The following SRFBP1 variants were observed in gnomAD, a reference collection of about 807,000 sequenced individuals.
SRFBP1 encodes the protein serum response factor-binding protein 1.
SRFBP1 carries 47 observed loss-of-function variants against 45.5 expected under a neutral mutation model. The ratio of observed to expected loss-of-function variants is 1.03; its 90% CI spans 0.82 to 1.32. The LOEUF (loss-of-function observed/expected upper bound fraction) is 1.32, where lower values mean the gene tolerates loss of function less well. Among genes scored for constraint, SRFBP1 ranks in the 40% most tolerant of loss-of-function variants. The probability of loss-of-function intolerance (pLI) is 0.00; values close to 1 mark genes in which losing one functional copy is unlikely to be tolerated. For synonymous variants in SRFBP1, 203 were observed against 166.3 expected (o/e 1.22, Z -1.70); for missense variants, 621 against 484.6 (o/e 1.28, Z -2.64).
chr5:121,985,787 T>C (rs945019478), intron 3 of SRFBP1, among the ~76,000 whole-genome samples: 1 of 151,898 alleles, frequency 6.6e-6, no homozygotes, highest in African/African-American at 2.4e-5. Flanking sequence ...AGGTTCCTGA[T>C]CTTTTGTAAT....
chr5:122,030,433 T>C (rs1300945062), downstream of SRFBP1, among the ~76,000 whole-genome samples: 3 of 152,100 alleles, frequency 2.0e-5, no homozygotes, highest in African/African-American at 4.8e-5. Context: ...CAGAACAGGG[T>C]TGGAGTTTCT....
At position 122,017,861 on chromosome 5, in the gene SRFBP1, A is replaced by T. The variant is rs115949592; in HGVS notation, c.271-1399A>T. Among the ~76,000 whole-genome samples, 640 of 152,332 alleles carry T rather than the reference A, an allele frequency of 4.2e-3. 8 individuals carry two copies. Among genetic ancestry groups the T allele is most frequent in the African/African-American group, 0.015 (618 of 41,574 alleles). On this transcript the variant is annotated intron_variant, in intron 4 of 7. Transcript: ENST00000339397. ...GAAACTGGTTGTTTTACTTTCACAC[A>T]CTAGTGAAATTTATTCACTTGCTTT... is the stretch of plus-strand genomic sequence containing the variant.
chr5:121,999,977 C>A (rs1752822198), intron 4 of SRFBP1, among the ~76,000 whole-genome samples: 1 of 151,996 alleles, frequency 6.6e-6, no homozygotes, highest in Non-Finnish European at 1.5e-5. Context: ...TACCAGTTAG[C>A]AGTTGTTTTC....
rs112587739 is a variant in SRFBP1 at position 122,010,055 on chromosome 5, A to G, written c.271-9205A>G. On this transcript the variant is annotated intron_variant, in intron 4 of 7. Coordinates refer to ENST00000339397, the MANE Select transcript of SRFBP1 (RefSeq NM_152546.3). ...AAAGACCCATAAAATAGTAATAAGT[A>G]TAAGCACTGTTTGATTCAGTTGTGT... is the stretch of plus-strand genomic sequence containing the variant. Among the ~76,000 whole-genome samples, 1,205 of 152,278 alleles carry G rather than the reference A, an allele frequency of 7.9e-3. 18 individuals carry two copies. Among genetic ancestry groups the G allele is most frequent in the African/African-American group, 0.028 (1,151 of 41,554 alleles).
chr5:122,076,272 C>T (rs1754627619), downstream of SRFBP1, among the ~76,000 whole-genome samples: 2 of 152,180 alleles, frequency 1.3e-5, no homozygotes, highest in Non-Finnish European at 2.9e-5. Flanking sequence ...CCTTATTTTA[C>T]ACTTTAAATT....
intron 4 of SRFBP1, among the ~76,000 whole-genome samples, chr5:122,008,565 GT>G (rs1753024449): frequency 6.6e-6 from 1 of 152,116 alleles, no homozygotes; most frequent in Admixed American, 6.5e-5. Flanking sequence ...TCTTCAATGT[GT>G]TTTTGTTGTT....
intron 2 of SRFBP1, among the ~76,000 whole-genome samples, chr5:122,072,744 A>G (rs1174571139): frequency 6.6e-6 from 1 of 152,220 alleles, no homozygotes; most frequent in Admixed American, 6.5e-5. Context: ...ATGGAAGATG[A>G]TTAACAAGAA....
intron 2 of SRFBP1, among the ~76,000 whole-genome samples, chr5:122,047,193 G>A (rs1293099319): frequency 6.6e-6 from 1 of 152,194 alleles, no homozygotes; most frequent in East Asian, 1.9e-4. Flanking sequence ...TAACATTTAA[G>A]TCTTTAATCC....
intron 2 of SRFBP1, among the ~76,000 whole-genome samples, chr5:122,057,642 A>C (rs866097988): frequency 7.8e-4 from 110 of 141,368 alleles, no homozygotes; most frequent in Middle Eastern, 3.7e-3. Flanking sequence ...TCAGTTCTTT[A>C]AAAAAAAAAA....
intron 2 of SRFBP1, among the ~76,000 whole-genome samples, chr5:122,054,552 CTG>C (rs1342641505): frequency 6.6e-6 from 1 of 152,178 alleles, no homozygotes; most frequent in Admixed American, 6.5e-5. Context: ...GACACTGTAA[CTG>C]TGTTTCAATG....
At position 122,020,407 on chromosome 5, in the gene SRFBP1, CCCA is replaced by C. The variant is rs1228282303; in HGVS notation, c.673_675del (p.Pro225del). 1 of 1,613,892 alleles carries C rather than the reference CCCA, an allele frequency of 6.2e-7. No individual in the cohort carries two copies. Among genetic ancestry groups the C allele is most frequent in the Non-Finnish European group, 8.5e-7 (1 of 1,179,988 alleles). The stretch of plus-strand genomic sequence containing the variant: ...TTGAGTCCCAGAAGACACCTGCTGA[CCCA>C]AAACTGAAAACTCTAAGTCAAACCA... On this transcript the variant is annotated inframe_deletion, in exon 6 of 8. Transcript: ENST00000339397.
rs750836975 is a variant in SRFBP1 at position 121,962,082 on chromosome 5, A to C, written c.36+14A>C. On this transcript the variant is annotated intron_variant, in intron 1 of 7. Coordinates refer to ENST00000339397, the MANE Select transcript of SRFBP1 (RefSeq NM_152546.3). ...CTCAATAACGAGGTGAGCGCCGAGG[A>C]ACCTATGGGGCTGACTTTAAGGGTC... 2 of 1,613,952 alleles carry C rather than the reference A, an allele frequency of 1.2e-6. No individual in the cohort carries two copies. The highest frequency in any genetic ancestry group is 2.2e-5 in the South Asian group (2 of 91,076).
chr5:122,069,677 C>T (rs1427605616), intron 2 of SRFBP1, among the ~76,000 whole-genome samples: 1 of 152,044 alleles, frequency 6.6e-6, no homozygotes, highest in African/African-American at 2.4e-5. Context: ...CTTTGAAGAA[C>T]CCTAGCAATT....
intron 2 of SRFBP1, among the ~76,000 whole-genome samples, chr5:122,046,413 A>G (rs1024517171): frequency 2.0e-5 from 3 of 152,184 alleles, no homozygotes; most frequent in East Asian, 1.9e-4. Flanking sequence ...TCCATGGTGT[A>G]TATGTGCCAC....
chr5:121,968,417 G>A (rs1320622244), intron 1 of SRFBP1, among the ~76,000 whole-genome samples: 1 of 151,998 alleles, frequency 6.6e-6, no homozygotes, highest in East Asian at 1.9e-4. Context: ...TGGAATTTTG[G>A]CTAACCGCAG....
chr5:122,019,440 T>C, intron 5 of SRFBP1, 99 bp downstream of exon 5: 2 of 971,766 alleles, frequency 2.1e-6, no homozygotes, highest in Non-Finnish European at 1.5e-6. Flanking sequence ...CTATTATAAA[T>C]ATAAGTTTCT....
At chr5:122,003,758 G>A (rs530402784) in intron 4 of SRFBP1, among the ~76,000 whole-genome samples, 1 of 152,058 alleles carries the variant, frequency 6.6e-6, no homozygotes, top group Non-Finnish European at 1.5e-5. Flanking sequence ...CCATTCTTAT[G>A]GGTTAGAGGT....
intron 3 of SRFBP1, among the ~76,000 whole-genome samples, chr5:121,980,864 C>G (rs1346037133): frequency 6.6e-6 from 1 of 152,102 alleles, no homozygotes; most frequent in Non-Finnish European, 1.5e-5. Context: ...GAGATTTCTT[C>G]TCTCTCCCTT....
In SRFBP1 at chr5:121,975,380, C is replaced by A. The variant is rs777279205; in HGVS notation, c.191C>A (p.Ala64Asp). ...RAQRLLEEIH[A>D]MKELKPDIVT... Reference sequence around the variant, plus strand: ...CAAAGATTGCTTGAAGAAATCCATGCCATGAAGGTAAGGACTTGTGTGGGT... The same window carrying A: ...CAAAGATTGCTTGAAGAAATCCATGACATGAAGGTAAGGACTTGTGTGGGT... Residue 64 changes from alanine to aspartate, a missense_variant, in exon 3 of 8, where the codon GCC (alanine) becomes GAC (aspartate). Ala to Asp is a moderately radical substitution (Grantham distance 126, BLOSUM62 -2). Transcript: ENST00000339397. 1.9e-5 allele frequency: 30 copies of A among 1,613,014 alleles called. No individual in the cohort carries two copies. The highest frequency in any genetic ancestry group is 2.5e-5 in the Non-Finnish European group (30 of 1,179,330).
Sources: gnomAD v4.1 joint callset for allele counts (sites outside exome capture counted in the v4.1 genomes callset) on GRCh38, gnomAD v4.1.1 for gene constraint, MANE v1.5 for transcripts, NCBI Gene and HGNC (gene_info 2026-07-23, HGNC 2026-07-21) for gene names.